CFAP70: variants seen among roughly 807,000 people sequenced by gnomAD.
CFAP70 encodes the protein cilia and flagella associated protein 70, also known as cilia- and flagella-associated protein 70.
CFAP70 carries 81 observed loss-of-function variants against 137.6 expected under a neutral mutation model. That is an observed-to-expected ratio of 0.59 (90% CI 0.49 to 0.71). The LOEUF (loss-of-function observed/expected upper bound fraction) is 0.71, where lower values mean the gene tolerates loss of function less well. Ranked by LOEUF, CFAP70 falls within the 30% of genes least tolerant of loss-of-function variation. The pLI, the probability that CFAP70 is intolerant of heterozygous loss-of-function variation, is 0.00. For synonymous variants in CFAP70, 382 were observed against 423.6 expected, an observed-to-expected ratio of 0.90 and a Z score of 1.20; for missense variants, 976 against 1,226.7, an observed-to-expected ratio of 0.80 and a Z score of 3.05.
At chr10:73,256,639 C>G (rs1011364087) in intron 25 of CFAP70, among the ~76,000 whole-genome samples, 1 of 151,816 alleles carries the variant, frequency 6.6e-6, no homozygotes. Context: ...CGTGGTGGCT[C>G]ATGCCCATAA....
intron 19 of CFAP70, among the ~76,000 whole-genome samples, chr10:73,281,588 C>T (rs2047261921): frequency 1.3e-5 from 2 of 152,008 alleles, no homozygotes; most frequent in African/African-American, 4.8e-5. Context: ...GTAAATTCTC[C>T]TACCATGGCC....
chr10:73,273,173 G>A (rs1410579316), intron 23 of CFAP70, among the ~76,000 whole-genome samples, 156 bp from the exon 25 acceptor site: 1 of 152,146 alleles, frequency 6.6e-6, no homozygotes, highest in Non-Finnish European at 1.5e-5. Context: ...GGGAGTTATC[G>A]CAAGAAGATT....
intron 25 of CFAP70, among the ~76,000 whole-genome samples, chr10:73,257,940 C>T (rs546124080): frequency 1.4e-5 from 2 of 147,056 alleles, no homozygotes; most frequent in African/African-American, 2.5e-5. Flanking sequence ...TGCAATGGCA[C>T]GATCTCAGCA....
At chr10:73,262,434 T>C (rs911527521) in intron 25 of CFAP70, among the ~76,000 whole-genome samples, 2 of 152,096 alleles carry the variant, frequency 1.3e-5, no homozygotes, top group South Asian at 2.1e-4. Flanking sequence ...AATGGACTCA[T>C]AGCACAAAAG....
intron 3 of CFAP70, among the ~76,000 whole-genome samples, chr10:73,351,045 A>ATATATGTGTG (rs2054179378): frequency 1.5e-5 from 1 of 68,522 alleles, no homozygotes; most frequent in African/African-American, 5.0e-5. Flanking sequence ...GTGTGTATAT[A>ATATATGTGTG]TGTGTGTGTG....
At chr10:73,280,746 A>G (rs1267205670) in intron 19 of CFAP70, among the ~76,000 whole-genome samples, 2 of 152,150 alleles carry the variant, frequency 1.3e-5, no homozygotes, top group Non-Finnish European at 2.9e-5. Flanking sequence ...TTTAATATTT[A>G]TAAGATTTTC....
chr10:73,309,384 T>C (rs143059414), intron 12 of CFAP70, among the ~76,000 whole-genome samples: 17 of 152,300 alleles, frequency 1.1e-4, no homozygotes, highest in African/African-American at 4.1e-4. Context: ...ATGTGTAATA[T>C]AGGGGGCTTT....
At chr10:73,297,205 T>C in intron 14 of CFAP70, 32 bp from the exon 16 acceptor site, 3 of 1,603,430 alleles carry the variant, frequency 1.9e-6, no homozygotes, top group Non-Finnish European at 2.6e-6. Context: ...CATCTGATAA[T>C]ACAGTCCAGC....
chr10:73,306,571 T>A (rs1296918802), intron 12 of CFAP70, among the ~76,000 whole-genome samples: 1 of 151,740 alleles, frequency 6.6e-6, no homozygotes, highest in South Asian at 2.1e-4. Context: ...GAAAAAAAAA[T>A]TGACAACTAA....
chr10:73,339,568 C>T (rs960318275), intron 6 of CFAP70, among the ~76,000 whole-genome samples: 2 of 152,166 alleles, frequency 1.3e-5, no homozygotes, highest in African/African-American at 2.4e-5. Context: ...CTGGATCCCA[C>T]GCCTGCCAAG....
intron 12 of CFAP70, 57 bp from the exon 14 acceptor site, chr10:73,299,722 G>A (rs1342468896): frequency 7.2e-7 from 1 of 1,392,344 alleles, no homozygotes; most frequent in Non-Finnish European, 9.8e-7. Context: ...ATCTACAGAT[G>A]TATATTTTCT....
intron 7 of CFAP70, among the ~76,000 whole-genome samples, chr10:73,331,614 C>A (rs1004647057): frequency 6.6e-6 from 1 of 152,088 alleles, no homozygotes; most frequent in African/African-American, 2.4e-5. Flanking sequence ...CTCAGGAGGT[C>A]AAGGCTATAG....
Position 73,350,935 on chromosome 10 carries a change from GTA to G in CFAP70, c.251-2416_251-2415del, listed in dbSNP as rs2054141142. On this transcript the variant is annotated intron_variant, in intron 3 of 26. Transcript: ENST00000310715. Reference sequence around the variant, plus strand: ...ACCACCATACCCAGCTAATTTGTGTGTATATATGTGTGTGTGTGTGTATGTGT... The same window carrying G: ...ACCACCATACCCAGCTAATTTGTGTGTATATGTGTGTGTGTGTGTATGTGT... Among the ~76,000 whole-genome samples the G allele has an allele frequency of 2.7e-5, 4 of 149,138 alleles. No individual in the cohort carries two copies. In the Admixed American group the frequency reaches 2.7e-4, roughly 10 times the overall value.
chr10:73,345,004 G>C (rs2132453329), intron 5 of CFAP70, 61 bp downstream of exon 6: 1 of 1,378,826 alleles, frequency 7.3e-7, no homozygotes, highest in Non-Finnish European at 1.0e-6. Context: ...GTGAGGAAGA[G>C]ATGGCCATAT....
Position 73,257,047 on chromosome 10 carries a change from A to G in CFAP70, c.3028-631T>C, listed in dbSNP as rs139690325. 1.7e-3 allele frequency among the ~76,000 whole-genome samples: 265 copies of G among 152,166 alleles called. 1 individual carries two copies. Among genetic ancestry groups the G allele is most frequent in the African/African-American group, 6.0e-3 (249 of 41,528 alleles). ...GAAGCCATTCTGTTAATAATAATTAACACTTACCACTCCGTACTATGTGAT... is the reference window on the plus strand; with the variant it reads ...GAAGCCATTCTGTTAATAATAATTAGCACTTACCACTCCGTACTATGTGAT... On this transcript the variant is annotated intron_variant, in intron 25 of 26. Transcript: ENST00000310715.
At position 73,285,591 on chromosome 10, in the gene CFAP70, T is replaced by C. The variant is rs569072982; in HGVS notation, c.2239+5635A>G. On this transcript the variant is annotated intron_variant, in intron 19 of 26. Transcript: ENST00000310715. The stretch of plus-strand genomic sequence containing the variant: ...ACTCTCTAAGCTCACATCTAGGAAA[T>C]GCAGAAACCCAGGGTTTCAGTTCAT... 2.0e-5 allele frequency among the ~76,000 whole-genome samples: 3 copies of C among 151,636 alleles called. No individual in the cohort carries two copies. In the East Asian group the frequency reaches 5.8e-4, roughly 29 times the overall value.
At chr10:73,338,911 G>T (rs1311038488) in intron 6 of CFAP70, among the ~76,000 whole-genome samples, 3 of 150,882 alleles carry the variant, frequency 2.0e-5, no homozygotes, top group Admixed American at 1.3e-4. Context: ...GTACACCAAG[G>T]GATCACTATA....
At chr10:73,322,098 GA>G (rs1258688178) in intron 9 of CFAP70, among the ~76,000 whole-genome samples, 1 of 152,094 alleles carries the variant, frequency 6.6e-6, no homozygotes, top group Non-Finnish European at 1.5e-5. Flanking sequence ...TTAAAATGCT[GA>G]AAGTTTTGTA....
intron 25 of CFAP70, among the ~76,000 whole-genome samples, chr10:73,262,705 T>C (rs1259752595): frequency 2.6e-5 from 4 of 152,160 alleles, no homozygotes; most frequent in African/African-American, 7.2e-5. Flanking sequence ...ATGGTATATA[T>C]AGGATTCAGT....
Sources: allele counts gnomAD v4.1 joint callset (sites outside exome capture counted in the v4.1 genomes callset), GRCh38; gene constraint gnomAD v4.1.1; transcripts MANE v1.5; gene names NCBI Gene and HGNC (gene_info 2026-07-23, HGNC 2026-07-21).